AVEN: variants seen among roughly 807,000 people sequenced by gnomAD.
AVEN encodes apoptosis and caspase activation inhibitor.
In AVEN, 41 loss-of-function variants were observed where a neutral mutation model predicts 38.1. The ratio of observed to expected loss-of-function variants is 1.08; its 90% confidence interval spans 0.84 to 1.40. The LOEUF is 1.40. Ranked by LOEUF, AVEN falls within the 40% of genes most tolerant of loss-of-function variation. The probability of loss-of-function intolerance (pLI) is 0.00; values close to 1 mark genes in which losing one functional copy is unlikely to be tolerated. For missense variants in AVEN, 605 were observed against 438.8 expected (o/e 1.38, Z -3.38); for synonymous variants, 206 against 171.8 (o/e 1.20, Z -1.56).
In AVEN at chr15:33,970,747, G is replaced by C. The variant is rs188942504; in HGVS notation, c.445+32285C>G. On this transcript the variant is annotated intron_variant, in intron 2 of 5. Coordinates refer to ENST00000306730, the MANE Select transcript of AVEN (RefSeq NM_020371.3). ...CTTCCAATAAATGGAATTAAAGGGGGCAGATAACAATATTCCTTAAGTGTT... is the reference window on the plus strand; with the variant it reads ...CTTCCAATAAATGGAATTAAAGGGGCCAGATAACAATATTCCTTAAGTGTT... 5.9e-5 allele frequency among the ~76,000 whole-genome samples: 9 copies of C among 151,998 alleles called. No individual in the cohort carries two copies. The East Asian group carries it at 1.7e-3, about 29-fold the overall frequency.
intron 2 of AVEN, among the ~76,000 whole-genome samples, chr15:33,920,389 T>C (rs1893348698): frequency 6.6e-6 from 1 of 152,230 alleles, no homozygotes; most frequent in South Asian, 2.1e-4. Context: ...CTTCTATCAA[T>C]TTGACTTCTT....
At chr15:33,854,322 C>T (rs1042031405), downstream of AVEN, 1 of 1,332,660 alleles carries the variant, frequency 7.5e-7, no homozygotes, top group Non-Finnish European at 1.0e-6. Context: ...CTTACTTTTT[C>T]CCCCTTATTG....
rs762925899 is a variant in AVEN at position 33,866,707 on chromosome 15, G to T, written c.995C>A (p.Thr332Asn). 1.9e-6 allele frequency: 3 copies of T among 1,613,478 alleles called. No homozygotes were observed. In the Admixed American group the frequency reaches 5.0e-5, roughly 27 times the overall value. ...CTCAGGTTCCATGTTTTTTTCTTCAGTCACAGATGGTTTTGCACAAACTGG... is the reference window on the plus strand; with the variant it reads ...CTCAGGTTCCATGTTTTTTTCTTCATTCACAGATGGTTTTGCACAAACTGG... ...EEEVCAKPSV[T>N]EEKNMEPEQP... is the part of the protein sequence containing the mutation. The change falls in exon 6 of 6, where the codon ACT (threonine) becomes AAT (asparagine). Residue 332 changes from threonine (T) to asparagine (N), a missense_variant. Physicochemically the swap from Thr to Asn is moderately conservative, Grantham distance 65. Coordinates refer to ENST00000306730, the MANE Select transcript of AVEN (RefSeq NM_020371.3).
intron 2 of AVEN, among the ~76,000 whole-genome samples, chr15:34,002,807 G>A (rs978860466): frequency 4.6e-5 from 7 of 152,004 alleles, no homozygotes; most frequent in South Asian, 2.1e-4. Flanking sequence ...TTTATCTATC[G>A]CAAAGACTTT....
At chr15:33,940,554 T>G (rs1894276388) in intron 2 of AVEN, among the ~76,000 whole-genome samples, 1 of 152,138 alleles carries the variant, frequency 6.6e-6, no homozygotes, top group Non-Finnish European at 1.5e-5. Flanking sequence ...ATTCCTTTTT[T>G]TTTTTGAGAC....
At chr15:33,853,763 G>A in the AVEN span, 18 of 1,525,312 alleles carry the variant, frequency 1.2e-5, no homozygotes, top group East Asian at 1.4e-4. Flanking sequence ...AATCACAACC[G>A]TGTCTTTGTT....
chr15:33,995,358 C>T (rs1211009335), intron 2 of AVEN, among the ~76,000 whole-genome samples: 1 of 152,050 alleles, frequency 6.6e-6, no homozygotes, highest in Non-Finnish European at 1.5e-5. Context: ...TTACATAGCA[C>T]TTACATTGCA....
intron 2 of AVEN, among the ~76,000 whole-genome samples, chr15:33,928,669 A>G (rs572392889): frequency 6.6e-6 from 1 of 152,208 alleles, no homozygotes; most frequent in Non-Finnish European, 1.5e-5. Flanking sequence ...CTTGATTGCC[A>G]CATGAACCCA....
intron 2 of AVEN, among the ~76,000 whole-genome samples, chr15:33,887,961 T>A (rs1487233095): frequency 6.6e-6 from 1 of 152,146 alleles, no homozygotes; most frequent in Non-Finnish European, 1.5e-5. Flanking sequence ...ATCAGCAATC[T>A]TGCAACCACA....
chr15:33,924,150 T>C (rs991519450), intron 2 of AVEN, among the ~76,000 whole-genome samples: 5 of 151,940 alleles, frequency 3.3e-5, no homozygotes, highest in African/African-American at 1.2e-4. Flanking sequence ...GGACCACTAA[T>C]GCATAGTATT....
At chr15:34,041,196 CCT>C (rs1899461929), upstream of AVEN, among the ~76,000 whole-genome samples, 1 of 152,076 alleles carries the variant, frequency 6.6e-6, no homozygotes, top group Non-Finnish European at 1.5e-5. Flanking sequence ...AGAATGAACC[CCT>C]CTCCCCCTCA....
In AVEN at chr15:33,952,047, G is replaced by A. The variant is rs117496930; in HGVS notation, c.445+50985C>T. Among the ~76,000 whole-genome samples, 1,239 of 152,308 alleles carry A rather than the reference G, an allele frequency of 8.1e-3. 10 individuals are homozygous for A. The highest frequency in any genetic ancestry group is 0.014 in the Non-Finnish European group (949 of 68,020). The stretch of plus-strand genomic sequence containing the variant: ...AAAATCCATTTGATTTCAATAGCAA[G>A]ATGTATAGATTATTCAGGGTTTATG... On this transcript the variant is annotated intron_variant, in intron 2 of 5. Coordinates refer to ENST00000306730, the MANE Select transcript of AVEN (RefSeq NM_020371.3).
the AVEN span, chr15:33,851,810 TTTTA>T: frequency 2.0e-4 from 30 of 152,288 alleles, no homozygotes; most frequent in Admixed American, 3.9e-4. Context: ...ATGGCTTGAT[TTTTA>T]TTTGTTTTAT....
At chr15:33,920,183 T>C (rs748862989) in intron 2 of AVEN, among the ~76,000 whole-genome samples, 19 of 152,174 alleles carry the variant, frequency 1.2e-4, no homozygotes, top group Admixed American at 2.6e-4. Flanking sequence ...ACAATCTTAA[T>C]TGTGGTAAAA....
intron 2 of AVEN, among the ~76,000 whole-genome samples, chr15:33,902,674 T>C (rs1249330176): frequency 6.6e-6 from 1 of 152,146 alleles, no homozygotes; most frequent in Non-Finnish European, 1.5e-5. Context: ...AGATTCCACA[T>C]AGTAACAACC....
chr15:34,038,837 GCCTCCTCCT>G lies in AVEN; in HGVS notation c.201_209del (p.Gly68_Gly70del), dbSNP rs1044396962. The G allele has an allele frequency of 8.4e-7, 1 of 1,188,096 alleles. No individual in the cohort carries two copies. The highest frequency in any genetic ancestry group is 1.0e-6 in the Non-Finnish European group (1 of 960,098). 73.6% of individuals were successfully genotyped at this position (1,188,096 alleles called of 1,614,324 possible). ...GCTCCCGGCGGCTGCCTCGCGGGGC[GCCTCCTCCT>G]CCTCGGCCTCCGCGAGCGCCGCGGA... On this transcript the variant is annotated inframe_deletion, in exon 1 of 6. Coordinates refer to ENST00000306730, the MANE Select transcript of AVEN (RefSeq NM_020371.3).
chr15:34,057,714 T>A (rs1173442846), intron 5 of AVEN, among the ~76,000 whole-genome samples: 2 of 152,146 alleles, frequency 1.3e-5, no homozygotes, highest in Non-Finnish European at 2.9e-5. Context: ...GGAGGATCGC[T>A]TGAGGCCATG....
At chr15:33,904,588 T>C (rs183754781) in intron 2 of AVEN, among the ~76,000 whole-genome samples, 2,478 of 151,744 alleles carry the variant, frequency 0.016, 32 homozygotes, top group Non-Finnish European at 0.025. Context: ...ATTTTTTGTA[T>C]TTTTAGTAGA....
downstream of AVEN, chr15:33,854,401 A>C: frequency 6.4e-7 from 1 of 1,574,526 alleles, no homozygotes; most frequent in Non-Finnish European, 8.6e-7. Context: ...TAAGTTCCAT[A>C]GACATGAAGT....
Sources: gnomAD v4.1 joint callset for allele counts (sites outside exome capture counted in the v4.1 genomes callset) on GRCh38, gnomAD v4.1.1 for gene constraint, MANE v1.5 for transcripts, NCBI Gene and HGNC (gene_info 2026-07-23, HGNC 2026-07-21) for gene names.